NEK11: variants seen among roughly 807,000 people sequenced by gnomAD.
NEK11 encodes NIMA related kinase 11.
In NEK11, 72 loss-of-function variants were observed where a neutral mutation model predicts 80.7. The ratio of observed to expected loss-of-function variants is 0.89; its 90% CI spans 0.74 to 1.08. The LOEUF is 1.08. Among genes scored for constraint, NEK11 ranks in the 50% least tolerant of loss-of-function variants. The pLI is 0.00. For synonymous variants in NEK11, 251 were observed against 260.7 expected (o/e 0.96, Z 0.36); for missense variants, 764 against 763.6 (o/e 1.00, Z -0.01).
chr3:131,094,752 A>G (rs1260566436), intron 4 of NEK11, among the ~76,000 whole-genome samples: 4 of 152,186 alleles, frequency 2.6e-5, no homozygotes, highest in African/African-American at 4.8e-5. Context: ...TAAGTATTCA[A>G]ATGATCCAGC....
At chr3:131,229,848 G>A (rs1374541751) in intron 15 of NEK11, among the ~76,000 whole-genome samples, 1 of 151,964 alleles carries the variant, frequency 6.6e-6, no homozygotes, top group Non-Finnish European at 1.5e-5. Flanking sequence ...CATGAAGAGA[G>A]AAACAAATAC....
intron 17 of NEK11, among the ~76,000 whole-genome samples, chr3:131,331,299 T>G (rs746142198): frequency 1.3e-5 from 2 of 152,212 alleles, no homozygotes; most frequent in Non-Finnish European, 2.9e-5. Flanking sequence ...TGGACTAATT[T>G]TATACACAAC....
At chr3:131,301,729 A>G (rs544489315) in intron 17 of NEK11, among the ~76,000 whole-genome samples, 5 of 152,242 alleles carry the variant, frequency 3.3e-5, no homozygotes, top group Middle Eastern at 3.4e-3. Context: ...AATAAAGCCT[A>G]CTTGATCATG....
At chr3:131,108,838 T>C (rs2079608330) in intron 4 of NEK11, among the ~76,000 whole-genome samples, 1 of 152,028 alleles carries the variant, frequency 6.6e-6, no homozygotes, top group Non-Finnish European at 1.5e-5. Context: ...GAAAGGAGAA[T>C]TCAGTCATCC....
intron 4 of NEK11, among the ~76,000 whole-genome samples, chr3:131,093,425 G>A (rs1413830024): frequency 3.0e-5 from 1 of 33,594 alleles, no homozygotes; most frequent in Non-Finnish European, 8.4e-5. Flanking sequence ...AGAACCAGAT[G>A]TGCAATTTTT....
intron 4 of NEK11, among the ~76,000 whole-genome samples, chr3:131,094,819 G>C (rs2077206795): frequency 6.6e-6 from 1 of 152,150 alleles, no homozygotes; most frequent in African/African-American, 2.4e-5. Flanking sequence ...TTATGGGTTT[G>C]ACAAACCAGA....
intron 4 of NEK11, among the ~76,000 whole-genome samples, chr3:131,093,171 G>A (rs1409480011): frequency 6.6e-6 from 1 of 152,148 alleles, no homozygotes; most frequent in East Asian, 1.9e-4. Flanking sequence ...GAAATCACCA[G>A]TTGGGAAGCA....
chr3:131,316,998 A>T (rs1005906981), intron 17 of NEK11, among the ~76,000 whole-genome samples: 5 of 152,194 alleles, frequency 3.3e-5, no homozygotes, highest in Admixed American at 6.5e-5. Context: ...ATGGCTTAAA[A>T]TTTCAAATGA....
At chr3:131,292,953 C>T (rs1047327123) in intron 17 of NEK11, among the ~76,000 whole-genome samples, 1 of 152,164 alleles carries the variant, frequency 6.6e-6, no homozygotes, top group African/African-American at 2.4e-5. Flanking sequence ...ATCCTGCAAC[C>T]TAGCTAGAAT....
intron 7 of NEK11, among the ~76,000 whole-genome samples, chr3:131,143,284 G>A (rs966686519): frequency 6.6e-6 from 1 of 152,108 alleles, no homozygotes; most frequent in Non-Finnish European, 1.5e-5. Context: ...GCTATGCTTA[G>A]ATTGGTCCAC....
intron 14 of NEK11, among the ~76,000 whole-genome samples, chr3:131,177,625 T>C (rs1440726691): frequency 6.6e-6 from 1 of 152,212 alleles, no homozygotes; most frequent in Non-Finnish European, 1.5e-5. Flanking sequence ...CCTGATCATT[T>C]TTCTCCTTTC....
chr3:131,114,736 A>G (rs1318625898), intron 5 of NEK11, among the ~76,000 whole-genome samples: 2 of 152,206 alleles, frequency 1.3e-5, no homozygotes, highest in Non-Finnish European at 2.9e-5. Flanking sequence ...GTCTACTACA[A>G]TGTTTCACTC....
At chr3:131,042,437 C>T (rs2066658937) in intron 3 of NEK11, among the ~76,000 whole-genome samples, 1 of 152,102 alleles carries the variant, frequency 6.6e-6, no homozygotes, top group East Asian at 1.9e-4. Flanking sequence ...GAGGGGTGTT[C>T]ACCATTACTG....
intron 14 of NEK11, among the ~76,000 whole-genome samples, chr3:131,227,655 G>A (rs949227286): frequency 9.2e-5 from 14 of 152,222 alleles, no homozygotes; most frequent in Middle Eastern, 3.4e-3. Context: ...ATGGTGCAAA[G>A]TCTAAAATGC....
intron 4 of NEK11, among the ~76,000 whole-genome samples, chr3:131,106,941 T>A (rs2079270905): frequency 6.6e-6 from 1 of 152,156 alleles, no homozygotes; most frequent in Non-Finnish European, 1.5e-5. Context: ...GGAACAAGAT[T>A]ACCCACCCAG....
At chr3:131,315,715 A>C (rs1263177775) in intron 17 of NEK11, among the ~76,000 whole-genome samples, 1 of 151,392 alleles carries the variant, frequency 6.6e-6, no homozygotes, top group Non-Finnish European at 1.5e-5. Context: ...CTCCCCCACC[A>C]ACCCCCGACA....
At chr3:131,315,812 T>C (rs940694492) in intron 17 of NEK11, among the ~76,000 whole-genome samples, 5 of 152,060 alleles carry the variant, frequency 3.3e-5, no homozygotes, top group African/African-American at 9.7e-5. Flanking sequence ...TGGTGTTTGG[T>C]TTTCTGTTCC....
intron 3 of NEK11, among the ~76,000 whole-genome samples, chr3:131,040,416 T>C (rs1397723718): frequency 1.3e-5 from 2 of 152,172 alleles, no homozygotes; most frequent in South Asian, 4.1e-4. Context: ...TCATGTTTCA[T>C]GGGTATATAC....
At chr3:131,192,148 A>G (rs970672024) in intron 14 of NEK11, among the ~76,000 whole-genome samples, 61 of 152,322 alleles carry the variant, frequency 4.0e-4, no homozygotes, top group African/African-American at 1.4e-3. Flanking sequence ...AAATTTCTCC[A>G]AAGAAGATAT....
Sources: allele counts gnomAD v4.1 joint callset (sites outside exome capture counted in the v4.1 genomes callset), GRCh38; gene constraint gnomAD v4.1.1; transcripts MANE v1.5; gene names NCBI Gene and HGNC (gene_info 2026-07-23, HGNC 2026-07-21).